The following TSC22D2 variants were observed in gnomAD, a reference collection of about 807,000 sequenced individuals.
The protein encoded by TSC22D2 is TSC22 domain family protein 2.
Under a neutral mutation model 50.1 loss-of-function variants are expected in TSC22D2, and 5 were observed. That is an observed-to-expected ratio of 0.10 (90% CI 0.05 to 0.21). The LOEUF is 0.21. Among genes scored for constraint, TSC22D2 ranks in the 10% least tolerant of loss-of-function variants. TSC22D2 has a pLI of 1.00. For synonymous variants in TSC22D2, 501 were observed against 450.1 expected, an observed-to-expected ratio of 1.11 and a Z score of -1.43; for missense variants, 1,003 against 1,015.5, an observed-to-expected ratio of 0.99 and a Z score of 0.17.
chr3:150,434,166 T>G (rs74389885), intron 1 of TSC22D2, among the ~76,000 whole-genome samples: 23 of 130,344 alleles, frequency 1.8e-4, no homozygotes, highest in East Asian at 1.1e-3. Context: ...TTTTTTTTTT[T>G]GGGACAGAGT....
At position 150,408,372 on chromosome 3, in the gene TSC22D2, G is replaced by A. The variant is rs925425714; in HGVS notation, c.-979G>A. 6.5e-6 allele frequency: 1 copy of A among 153,066 alleles called. No individual in the cohort carries two copies. Among genetic ancestry groups the A allele is most frequent in the African/African-American group, 2.4e-5 (1 of 41,474 alleles). 9.5% of individuals were successfully genotyped at this position (153,066 alleles called of 1,614,324 possible). A position where few individuals can be genotyped will look rare whatever the true frequency, so the allele number is the denominator to read the frequency against. ...GGCGCGGCCATTTCAGCCCCATCTT[G>A]GCCCAGCGGAGGGAGCTGCAGCCGC... On this transcript the variant is annotated 5_prime_UTR_variant, in exon 1 of 3. Coordinates refer to ENST00000688009, the MANE Select transcript of TSC22D2 (RefSeq NM_001303264.2).
intron 1 of TSC22D2, among the ~76,000 whole-genome samples, chr3:150,445,333 A>G (rs1489574726): frequency 6.8e-6 from 1 of 148,128 alleles, no homozygotes; most frequent in African/African-American, 2.5e-5. Flanking sequence ...AATAATAATA[A>G]TAATAATAAT....
intron 1 of TSC22D2, among the ~76,000 whole-genome samples, chr3:150,444,692 T>C (rs1720823208): frequency 6.6e-6 from 1 of 152,312 alleles, no homozygotes; most frequent in Admixed American, 6.5e-5. Flanking sequence ...GTCTAAATTA[T>C]TAGAATTATT....
Position 150,465,262 on chromosome 3 carries a change from A to G in TSC22D2, c.*6626A>G, listed in dbSNP as rs1371590635. The G allele has an allele frequency of 1.3e-5, 2 of 152,184 alleles. No homozygotes were observed. Among genetic ancestry groups the G allele is most frequent in the Non-Finnish European group, 2.9e-5 (2 of 68,010 alleles). 9.4% of individuals were successfully genotyped at this position (152,184 alleles called of 1,614,324 possible). ...GAAATTGGAAGCTATGAAGCTATAT[A>G]CCCTGTCCATTTGAAAATGCACATA... On this transcript the variant is annotated 3_prime_UTR_variant, in exon 3 of 3. Transcript: ENST00000688009.
rs375386549 is a variant in TSC22D2, at chr3:150,458,672, G to A, written c.*36G>A. ...AGCCTCATTAAGAAAAAAACTGAAA[G>A]CAATCTATCCTTGTGTGCCACTGGT... On this transcript the variant is annotated 3_prime_UTR_variant, in exon 3 of 3. Transcript: ENST00000688009. The A allele has an allele frequency of 9.1e-5, 146 of 1,608,332 alleles. No homozygotes were observed. The highest frequency in any genetic ancestry group is 1.1e-4 in the Non-Finnish European group (135 of 1,177,320).
rs138979200 is a variant in TSC22D2, at chr3:150,436,813, G to A, written c.1959-20263G>A. On this transcript the variant is annotated intron_variant, in intron 1 of 2. Transcript: ENST00000688009. ...AAATTCTAATAGTTTTTCAGACTAC[G>A]TGAGAGACTTAAGTGACCATGTGTA... is the stretch of plus-strand genomic sequence containing the variant. 5.9e-3 allele frequency among the ~76,000 whole-genome samples: 901 copies of A among 152,294 alleles called. 9 individuals are homozygous for A. The highest frequency in any genetic ancestry group is 0.021 in the African/African-American group (859 of 41,564).
chr3:150,420,733 A>G (rs1719976498), intron 1 of TSC22D2, among the ~76,000 whole-genome samples: 1 of 152,250 alleles, frequency 6.6e-6, no homozygotes, highest in South Asian at 2.1e-4. Context: ...TTTACCTGGA[A>G]TATGAATTTG....
At chr3:150,421,010 G>T (rs2108068454) in intron 1 of TSC22D2, among the ~76,000 whole-genome samples, 1 of 152,332 alleles carries the variant, frequency 6.6e-6, no homozygotes, top group South Asian at 2.1e-4. Context: ...TTGAACCCAG[G>T]AGGCAGAGGT....
At chr3:150,425,788 A>G (rs188943901) in intron 1 of TSC22D2, among the ~76,000 whole-genome samples, 63 of 152,306 alleles carry the variant, frequency 4.1e-4, no homozygotes, top group Admixed American at 1.9e-3. Flanking sequence ...GGAATCTTTC[A>G]GTTTAGCAGA....
chr3:150,457,955 T>A (rs995632187), intron 2 of TSC22D2, among the ~76,000 whole-genome samples: 2 of 152,198 alleles, frequency 1.3e-5, no homozygotes, highest in African/African-American at 4.8e-5. Context: ...ACTATTTTTT[T>A]AAAAATACCA....
intron 1 of TSC22D2, among the ~76,000 whole-genome samples, chr3:150,429,067 T>G (rs2108076884): frequency 6.6e-6 from 1 of 152,298 alleles, no homozygotes; most frequent in South Asian, 2.1e-4. Flanking sequence ...GCTGTGATTA[T>G]CAGTAAACCT....
intron 1 of TSC22D2, among the ~76,000 whole-genome samples, chr3:150,418,788 C>A (rs1026109249): frequency 6.6e-6 from 1 of 151,856 alleles, no homozygotes; most frequent in Non-Finnish European, 1.5e-5. Context: ...TTTCTGGAAG[C>A]TTTTATTGTT....
chr3:150,435,982 G>T (rs952580425), intron 1 of TSC22D2, among the ~76,000 whole-genome samples: 1 of 151,900 alleles, frequency 6.6e-6, no homozygotes, highest in Non-Finnish European at 1.5e-5. Context: ...AAGGGTATCT[G>T]GTTAATCTGA....
chr3:150,438,813 CTAAAA>C (rs1405957219), intron 1 of TSC22D2, among the ~76,000 whole-genome samples: 1 of 151,902 alleles, frequency 6.6e-6, no homozygotes, highest in Non-Finnish European at 1.5e-5. Context: ...CTCTAAATGT[CTAAAA>C]TAAAGCCAAG....
chr3:150,432,434 CT>C (rs1239526430), intron 1 of TSC22D2, among the ~76,000 whole-genome samples: 1 of 150,574 alleles, frequency 6.6e-6, no homozygotes. Flanking sequence ...TTATTCAATT[CT>C]TTTTTTTTCT....
intron 1 of TSC22D2, among the ~76,000 whole-genome samples, chr3:150,425,271 T>C (rs1191764667): frequency 2.0e-5 from 3 of 152,148 alleles, no homozygotes; most frequent in South Asian, 2.1e-4. Flanking sequence ...CCGCCTGTAA[T>C]CCCAGCACTT....
In TSC22D2 at chr3:150,460,521, AT is replaced by A. The variant is rs1721363474; in HGVS notation, c.*1886del. 1 of 152,236 alleles carries A rather than the reference AT, an allele frequency of 6.6e-6. No homozygotes were observed. The highest frequency in any genetic ancestry group is 2.4e-5 in the African/African-American group (1 of 41,464). The allele number at this position is 152,236 out of a possible 1,614,324, so 9.4% of individuals were successfully genotyped here. On this transcript the variant is annotated 3_prime_UTR_variant, in exon 3 of 3. Transcript: ENST00000688009. Reference sequence around the variant, plus strand: ...ATTGGGATGTACATGAGATTGCCAAATATTTTCTATTCTAGTTGTGCTGCAA... The same window carrying A: ...ATTGGGATGTACATGAGATTGCCAAAATTTTCTATTCTAGTTGTGCTGCAA...
chr3:150,426,318 A>G (rs1291574841), intron 1 of TSC22D2, among the ~76,000 whole-genome samples: 1 of 152,198 alleles, frequency 6.6e-6, no homozygotes, highest in Non-Finnish European at 1.5e-5. Flanking sequence ...TAACTTTAAA[A>G]TTTGACTTCC....
chr3:150,410,341 C>T lies in TSC22D2; in HGVS notation c.991C>T (p.Leu331=), dbSNP rs767396614. 17 of 1,591,606 alleles carry T rather than the reference C, an allele frequency of 1.1e-5. No individual in the cohort carries two copies. The highest frequency in any genetic ancestry group is 3.4e-5 in the South Asian group (3 of 88,386). The change falls in exon 1 of 3, where the codon CTG becomes TTG. Residue 331 remains leucine (L), a synonymous_variant. Transcript: ENST00000688009. ...GACTCTGCCGCCGACGAATGTAACC[C>T]TGGCGCAGCCGGCTATGTCCCTGCC... is the stretch of plus-strand genomic sequence containing the variant. ...GQTLPPTNVT[L]AQPAMSLPPQ...
Sources: gnomAD v4.1 joint callset for allele counts (sites outside exome capture counted in the v4.1 genomes callset) on GRCh38, gnomAD v4.1.1 for gene constraint, MANE v1.5 for transcripts, NCBI Gene and HGNC (gene_info 2026-07-23, HGNC 2026-07-21) for gene names.